The following PRMT8 variants were observed in gnomAD, a reference collection of about 807,000 sequenced individuals.
The protein encoded by PRMT8 is protein arginine N-methyltransferase 8.
A neutral mutation model predicts 47.1 loss-of-function variants in PRMT8; 7 were observed. That is an observed-to-expected ratio of 0.15 (90% CI 0.08 to 0.28). The LOEUF (loss-of-function observed/expected upper bound fraction) is 0.28, where lower values mean the gene tolerates loss of function less well. PRMT8 is among the 10% of genes least tolerant of loss of function. The pLI, the probability that PRMT8 is intolerant of heterozygous loss-of-function variation, is 1.00. For synonymous variants in PRMT8, 188 were observed against 186.5 expected (o/e 1.01, Z -0.07); for missense variants, 237 against 505.4 (o/e 0.47, Z 5.09).
At chr12:3,590,441 A>T (rs144152904) in intron 8 of PRMT8, among the ~76,000 whole-genome samples, 1 of 152,192 alleles carries the variant, frequency 6.6e-6, no homozygotes, top group African/African-American at 2.4e-5. Context: ...CAGGTGGCTC[A>T]TATGATTGTG....
At chr12:3,582,556 C>T (rs1180835574) in intron 7 of PRMT8, among the ~76,000 whole-genome samples, 3 of 152,194 alleles carry the variant, frequency 2.0e-5, no homozygotes, top group Non-Finnish European at 4.4e-5. Context: ...GGTTCATCTA[C>T]ATCACTGGAG....
Position 3,540,613 on chromosome 12 carries a change from G to GCCCCCCCCA in PRMT8, c.90_91insCACCCCCCC (p.Pro30_Ser31insHisProPro). Reference sequence around the variant, plus strand: ...CCCTTCTCTTCCCCTCAGGTGAACAGCCCCCCCTCCCAGCCCCCCCAGCCC... The same window carrying GCCCCCCCCA: ...CCCTTCTCTTCCCCTCAGGTGAACAGCCCCCCCCACCCCCCCTCCCAGCCCCCCCAGCCC... On this transcript the variant is annotated inframe_insertion, in exon 2 of 10. Transcript: ENST00000382622. 1.7e-5 allele frequency: 19 copies of GCCCCCCCCA among 1,130,520 alleles called. No homozygotes were observed. The highest frequency in any genetic ancestry group is 2.5e-5 in the Non-Finnish European group (19 of 752,490). 70.0% of individuals were successfully genotyped at this position (1,130,520 alleles called of 1,614,324 possible). A position where few individuals can be genotyped will look rare whatever the true frequency, so the allele number is the denominator to read the frequency against.
intron 1 of PRMT8, among the ~76,000 whole-genome samples, chr12:3,494,727 C>G (rs35964397): frequency 0.19 from 28,242 of 152,166 alleles, 3,100 homozygotes; most frequent in Middle Eastern, 0.31. Context: ...CCTCCCTCCA[C>G]AAAGCGAAGT....
intron 1 of PRMT8, among the ~76,000 whole-genome samples, chr12:3,434,135 AG>A (rs1864711872): frequency 6.6e-6 from 1 of 152,210 alleles, no homozygotes; most frequent in African/African-American, 2.4e-5. Flanking sequence ...GAGGATGATG[AG>A]CTTTGTGAAC....
At chr12:3,522,708 C>T (rs765433319) in intron 1 of PRMT8, among the ~76,000 whole-genome samples, 11 of 149,772 alleles carry the variant, frequency 7.3e-5, no homozygotes, top group South Asian at 4.2e-4. Flanking sequence ...ATCAGGTGCT[C>T]CTAACCACCA....
At chr12:3,448,401 G>T (rs528614878) in intron 1 of PRMT8, among the ~76,000 whole-genome samples, 1 of 152,136 alleles carries the variant, frequency 6.6e-6, no homozygotes, top group African/African-American at 2.4e-5. Context: ...ATTTAAATAA[G>T]GAAAATTTAA....
intron 1 of PRMT8, among the ~76,000 whole-genome samples, chr12:3,511,371 C>T (rs1015617003): frequency 2.0e-5 from 3 of 152,166 alleles, no homozygotes; most frequent in Non-Finnish European, 1.5e-5. Flanking sequence ...GGACAAAGAA[C>T]GTAAGGGGCT....
chr12:3,424,490 T>G (rs1361588853), intron 1 of PRMT8, among the ~76,000 whole-genome samples: 1 of 152,208 alleles, frequency 6.6e-6, no homozygotes, highest in Non-Finnish European at 1.5e-5. Flanking sequence ...CATATCCCCT[T>G]CCTAACTTAC....
chr12:3,445,382 C>T (rs752823256), intron 1 of PRMT8, among the ~76,000 whole-genome samples: 15 of 152,172 alleles, frequency 9.9e-5, no homozygotes, highest in South Asian at 2.1e-4. Flanking sequence ...TTTGATTAGT[C>T]GCCAAACACA....
chr12:3,590,913 C>T (rs1015590773), intron 8 of PRMT8, among the ~76,000 whole-genome samples: 4 of 152,142 alleles, frequency 2.6e-5, no homozygotes, highest in Admixed American at 2.6e-4. Context: ...ATGGAGCTTG[C>T]AGTCCATGGA....
At position 3,395,784 on chromosome 12, in the gene PRMT8, G is replaced by A. The variant is rs1309163894; in HGVS notation, c.48+14342G>A. ...GGTATCCTTGTTGACTTTCTGTCTCGTTGATCTGTCTAATGTTGACAGTGG... is the reference window on the plus strand; with the variant it reads ...GGTATCCTTGTTGACTTTCTGTCTCATTGATCTGTCTAATGTTGACAGTGG... On this transcript the variant is annotated intron_variant, in intron 1 of 9. Transcript: ENST00000452611. Among the ~76,000 whole-genome samples, 67 of 151,392 alleles carry A rather than the reference G, an allele frequency of 4.4e-4. No homozygotes were observed. The South Asian group carries it at 6.8e-3, about 15-fold the overall frequency.
rs1188578106 is a variant in PRMT8 at position 3,535,947 on chromosome 12, C to T, written c.76-4659C>T. Among the ~76,000 whole-genome samples, 6 of 152,140 alleles carry T rather than the reference C, an allele frequency of 3.9e-5. No homozygotes were observed. Among genetic ancestry groups the T allele is most frequent in the East Asian group, 1.9e-4 (1 of 5,186 alleles). ...GGAGGAGTTGAGCCTTCTGACTTTA[C>T]AGAGGAGACCACTGTCATCCCCCAA... On this transcript the variant is annotated intron_variant, in intron 1 of 9. Coordinates refer to ENST00000382622, the MANE Select transcript of PRMT8 (RefSeq NM_019854.5). The surrounding 1 kb of genome is among the most constrained non-coding windows in gnomAD (Gnocchi z 4.7).
At chr12:3,432,556 C>T in intron 1 of PRMT8, among the ~76,000 whole-genome samples, 1 of 152,108 alleles carries the variant, frequency 6.6e-6, no homozygotes, top group South Asian at 2.1e-4. Flanking sequence ...TCTGCCCAGC[C>T]CAGGCAGGAA....
intron 1 of PRMT8, among the ~76,000 whole-genome samples, chr12:3,397,775 C>A (rs1417941286): frequency 1.3e-5 from 2 of 152,114 alleles, no homozygotes; most frequent in African/African-American, 4.8e-5. Flanking sequence ...TTTACCTCAG[C>A]AAGCCCGGGC....
At chr12:3,511,902 A>C (rs1353574190) in intron 1 of PRMT8, among the ~76,000 whole-genome samples, 1 of 152,148 alleles carries the variant, frequency 6.6e-6, no homozygotes, top group Non-Finnish European at 1.5e-5. Flanking sequence ...ATTATTTCTA[A>C]AGTGCTGGGG....
chr12:3,491,274 A>G lies in PRMT8; in HGVS notation c.-352A>G, dbSNP rs934920002. On this transcript the variant is annotated 5_prime_UTR_variant, in exon 1 of 10. Transcript: ENST00000382622. ...CTCCGGCCGGCCGGACTTTGCGAGC[A>G]GCCTGGAGAGGATCCGCGACCGCCG... is the stretch of plus-strand genomic sequence containing the variant. 32 of 1,047,676 alleles carry G rather than the reference A, an allele frequency of 3.1e-5. No homozygotes were observed. Among genetic ancestry groups the G allele is most frequent in the Non-Finnish European group, 3.4e-5 (30 of 870,378 alleles). The allele number at this position is 1,047,676 out of a possible 1,614,324, so 64.9% of individuals were successfully genotyped here. A position where few individuals can be genotyped will look rare whatever the true frequency, so the allele number is the denominator to read the frequency against.
chr12:3,421,042 T>C (rs1225055616), intron 1 of PRMT8, among the ~76,000 whole-genome samples: 1 of 152,254 alleles, frequency 6.6e-6, no homozygotes, highest in Non-Finnish European at 1.5e-5. Flanking sequence ...ATTGTGACTA[T>C]GCTTTGGAAA....
At chr12:3,478,503 C>T (rs1354003195) in intron 1 of PRMT8, among the ~76,000 whole-genome samples, 1 of 152,182 alleles carries the variant, frequency 6.6e-6, no homozygotes, top group Non-Finnish European at 1.5e-5. Flanking sequence ...AGAAGAGAAC[C>T]TTGTACCTTG....
intron 1 of PRMT8, among the ~76,000 whole-genome samples, chr12:3,442,775 C>T (rs1054891018): frequency 3.3e-5 from 5 of 152,198 alleles, no homozygotes; most frequent in African/African-American, 4.8e-5. Context: ...TCTCCTGCGT[C>T]AGCCTCCTGA....
Sources: gnomAD v4.1 joint callset for allele counts (sites outside exome capture counted in the v4.1 genomes callset) on GRCh38, gnomAD v4.1.1 for gene constraint, Gnocchi (gnomAD v3.1) non-coding constraint, MANE v1.5 for transcripts, NCBI Gene and HGNC (gene_info 2026-07-23, HGNC 2026-07-21) for gene names.